The following PRKN variants were observed in gnomAD, a reference collection of about 807,000 sequenced individuals.
PRKN encodes E3 ubiquitin-protein ligase parkin.
A neutral mutation model predicts 59.5 loss-of-function variants in PRKN; 56 were observed. The observed-to-expected ratio is 0.94, with a 90% CI of 0.76 to 1.18. The LOEUF (loss-of-function observed/expected upper bound fraction) is 1.18, where lower values mean the gene tolerates loss of function less well. Among genes scored for constraint, PRKN ranks in the 50% most tolerant of loss-of-function variants. The pLI, the probability that PRKN is intolerant of heterozygous loss-of-function variation, is 0.00. For missense variants in PRKN, 657 were observed against 596.4 expected (o/e 1.10, Z -1.06); for synonymous variants, 250 against 222.1 (o/e 1.13, Z -1.12).
intron 4 of PRKN, among the ~76,000 whole-genome samples, chr6:162,092,942 A>C (rs1454460812): frequency 1.3e-5 from 2 of 152,214 alleles, no homozygotes; most frequent in Non-Finnish European, 2.9e-5. Flanking sequence ...CCTTGATGTT[A>C]CTGATGTCTG....
Position 161,407,073 on chromosome 6 carries a change from A to C in PRKN, c.1084-20196T>G, listed in dbSNP as rs1202539184. Among the ~76,000 whole-genome samples, 1 of 152,206 alleles carries C rather than the reference A, an allele frequency of 6.6e-6. No homozygotes were observed. The highest frequency in any genetic ancestry group is 1.9e-4 in the East Asian group (1 of 5,208). Reference sequence around the variant, plus strand: ...ATTTATTTCAAATTAAGATCACCAAATTATATTTACATAAAAGCCTCTATA... The same window carrying C: ...ATTTATTTCAAATTAAGATCACCAACTTATATTTACATAAAAGCCTCTATA... On this transcript the variant is annotated intron_variant, in intron 9 of 11. Coordinates refer to ENST00000366898, the MANE Select transcript of PRKN (RefSeq NM_004562.3). The surrounding 1 kb of genome is among the most constrained non-coding windows in gnomAD (Gnocchi z 4.9).
chr6:161,689,305 C>A (rs1785687054), intron 7 of PRKN, among the ~76,000 whole-genome samples: 3 of 151,980 alleles, frequency 2.0e-5, no homozygotes, highest in Admixed American at 6.6e-5. Context: ...GTTTAATCAA[C>A]AGCTTCTGTC....
chr6:161,630,176 CATAAT>C (rs1783246603), intron 7 of PRKN, among the ~76,000 whole-genome samples: 1 of 152,274 alleles, frequency 6.6e-6, no homozygotes, highest in East Asian at 1.9e-4. Flanking sequence ...TTGGGAAACT[CATAAT>C]ATAATATGAA....
intron 9 of PRKN, among the ~76,000 whole-genome samples, chr6:161,477,920 G>C (rs1791189978): frequency 1.3e-5 from 2 of 152,176 alleles, no homozygotes; most frequent in Non-Finnish European, 2.9e-5. Flanking sequence ...AAGCAGGAAA[G>C]AGCGGCATGA....
intron 7 of PRKN, among the ~76,000 whole-genome samples, chr6:161,632,921 G>A (rs1209720515): frequency 3.3e-5 from 5 of 152,170 alleles, no homozygotes; most frequent in Non-Finnish European, 5.9e-5. Context: ...CATGACACAT[G>A]GGGATAATGG....
Position 162,153,527 on chromosome 6 carries a change from G to A in PRKN, c.534+47604C>T, listed in dbSNP as rs73592320. Among the ~76,000 whole-genome samples the A allele has an allele frequency of 6.7e-3, 1,013 of 152,286 alleles. 10 individuals carry two copies. The highest frequency in any genetic ancestry group is 0.023 in the African/African-American group (950 of 41,550). On this transcript the variant is annotated intron_variant, in intron 4 of 11. Coordinates refer to ENST00000366898, the MANE Select transcript of PRKN (RefSeq NM_004562.3). Reference sequence around the variant, plus strand: ...GCAGTGGCTTCCCTCTGCCAGTGAGGGCAAAGGGGCATTATAACAGCCTTT... The same window carrying A: ...GCAGTGGCTTCCCTCTGCCAGTGAGAGCAAAGGGGCATTATAACAGCCTTT...
At chr6:161,633,824 G>A (rs144483973) in intron 7 of PRKN, among the ~76,000 whole-genome samples, 62 of 152,200 alleles carry the variant, frequency 4.1e-4, no homozygotes, top group African/African-American at 1.3e-3. Flanking sequence ...TCTAACAGGG[G>A]ACAAGATGCA....
chr6:161,874,716 GTACAATA>G (rs1794606467), intron 6 of PRKN, among the ~76,000 whole-genome samples: 1 of 79,508 alleles, frequency 1.3e-5, no homozygotes, highest in African/African-American at 6.2e-5. Flanking sequence ...TATATAAAAT[GTACAATA>G]TATAAAATGT....
chr6:162,634,272 T>C (rs1014233269), intron 1 of PRKN, among the ~76,000 whole-genome samples: 4 of 152,136 alleles, frequency 2.6e-5, no homozygotes, highest in African/African-American at 9.7e-5. Context: ...TGTTTTTGGC[T>C]CTGTGGCCTC....
At chr6:161,797,336 G>A (rs1297399609) in intron 6 of PRKN, among the ~76,000 whole-genome samples, 1 of 151,904 alleles carries the variant, frequency 6.6e-6, no homozygotes, top group Non-Finnish European at 1.5e-5. Context: ...TACAACCTCC[G>A]GCTCACTGCA....
At chr6:162,086,496 A>T (rs2128294902) in intron 4 of PRKN, among the ~76,000 whole-genome samples, 1 of 152,356 alleles carries the variant, frequency 6.6e-6, no homozygotes, top group East Asian at 1.9e-4. Flanking sequence ...CCATACTAGC[A>T]GTGTCAGCAC....
At chr6:162,258,749 G>A (rs1274725912) in intron 3 of PRKN, among the ~76,000 whole-genome samples, 1 of 152,138 alleles carries the variant, frequency 6.6e-6, no homozygotes, top group Non-Finnish European at 1.5e-5. Context: ...GAGCACTAAA[G>A]CTTGAGTGGC....
chr6:162,124,914 A>T (rs777642087), intron 4 of PRKN, among the ~76,000 whole-genome samples: 6 of 152,164 alleles, frequency 3.9e-5, no homozygotes, highest in Non-Finnish European at 8.8e-5. Context: ...CTAAGAAGGA[A>T]TGAAATCCCT....
At chr6:161,793,719 C>G (rs567127479) in intron 6 of PRKN, among the ~76,000 whole-genome samples, 1 of 152,238 alleles carries the variant, frequency 6.6e-6, no homozygotes, top group South Asian at 2.1e-4. Context: ...CCCAAGATAG[C>G]TCATGGCTCA....
intron 6 of PRKN, among the ~76,000 whole-genome samples, chr6:161,845,394 T>C (rs751378208): frequency 5.9e-5 from 9 of 152,194 alleles, no homozygotes; most frequent in Non-Finnish European, 7.3e-5. Context: ...GAAAACCATG[T>C]GGGTCATTCC....
At chr6:162,092,510 C>T (rs1454014338) in intron 4 of PRKN, among the ~76,000 whole-genome samples, 1 of 152,126 alleles carries the variant, frequency 6.6e-6, no homozygotes, top group Non-Finnish European at 1.5e-5. Context: ...AAGTCTACTG[C>T]TAATCTATTA....
At chr6:161,791,115 C>A (rs989150896) in intron 6 of PRKN, among the ~76,000 whole-genome samples, 3 of 152,094 alleles carry the variant, frequency 2.0e-5, no homozygotes, top group Admixed American at 2.0e-4. Flanking sequence ...CCCCAATGGG[C>A]CAGGTTAAAG....
rs1562631846 is a variant in PRKN at position 162,274,168 on chromosome 6, T to TTAATTAATTA, written c.172-11404_172-11403insTAATTAATTA. On this transcript the variant is annotated intron_variant, in intron 2 of 11. Coordinates refer to ENST00000366898, the MANE Select transcript of PRKN (RefSeq NM_004562.3). ...CTTCTTGTAATTTAATTAATTAATTTATTAATTTATTAATGTATTTATTTA... is the reference window on the plus strand; with the variant it reads ...CTTCTTGTAATTTAATTAATTAATTTTAATTAATTAATTAATTTATTAATGTATTTATTTA... Among the ~76,000 whole-genome samples the TTAATTAATTA allele has an allele frequency of 4.0e-5, 6 of 151,402 alleles. 1 individual carries two copies. Among genetic ancestry groups the TTAATTAATTA allele is most frequent in the African/African-American group, 9.8e-5 (4 of 40,982 alleles).
At chr6:162,335,116 C>T (rs1394475411) in intron 2 of PRKN, among the ~76,000 whole-genome samples, 1 of 152,004 alleles carries the variant, frequency 6.6e-6, no homozygotes, top group Non-Finnish European at 1.5e-5. Context: ...TGGGTTCAAG[C>T]GATTTTCCTG....
Sources: allele counts gnomAD v4.1 joint callset (sites outside exome capture counted in the v4.1 genomes callset), GRCh38; gene constraint gnomAD v4.1.1; non-coding constraint Gnocchi (gnomAD v3.1); transcripts MANE v1.5; gene names NCBI Gene and HGNC (gene_info 2026-07-23, HGNC 2026-07-21).